NEDD4L: variants seen among roughly 807,000 people sequenced by gnomAD.
NEDD4L encodes the protein NEDD4 like E3 ubiquitin protein ligase, also known as E3 ubiquitin-protein ligase NEDD4-like.
In NEDD4L, 54 loss-of-function variants were observed where a neutral mutation model predicts 148.9. The ratio of observed to expected loss-of-function variants is 0.36; its 90% CI spans 0.29 to 0.45. The LOEUF is 0.45. Ranked by LOEUF, NEDD4L falls within the 20% of genes least tolerant of loss-of-function variation. NEDD4L has a pLI of 1.00. For synonymous variants in NEDD4L, 433 were observed against 440.7 expected, an observed-to-expected ratio of 0.98 and a Z score of 0.22; for missense variants, 856 against 1,233.8, an observed-to-expected ratio of 0.69 and a Z score of 4.59.
At chr18:58,137,801 T>G (rs745395152) in intron 1 of NEDD4L, among the ~76,000 whole-genome samples, 1 of 152,224 alleles carries the variant, frequency 6.6e-6, no homozygotes, top group Non-Finnish European at 1.5e-5. Context: ...CCTCTGATAC[T>G]CTGTAAACAC....
intron 2 of NEDD4L, among the ~76,000 whole-genome samples, chr18:58,230,738 T>C (rs2045072351): frequency 1.3e-5 from 2 of 152,204 alleles, no homozygotes; most frequent in Non-Finnish European, 2.9e-5. Flanking sequence ...ATACCACATT[T>C]TGGCAACTCA....
chr18:58,065,481 C>T (rs544007907), intron 1 of NEDD4L, among the ~76,000 whole-genome samples: 1 of 152,180 alleles, frequency 6.6e-6, no homozygotes, highest in African/African-American at 2.4e-5. Context: ...TTAAAAATTT[C>T]TTTTTCCATT....
chr18:58,174,744 T>C (rs1019508623), intron 2 of NEDD4L, among the ~76,000 whole-genome samples: 3 of 152,256 alleles, frequency 2.0e-5, no homozygotes, highest in African/African-American at 7.2e-5. Flanking sequence ...CCTGGGTAAA[T>C]GTGGGGGCAG....
chr18:58,056,894 C>CTTTT (rs74183230), intron 1 of NEDD4L, among the ~76,000 whole-genome samples: 6,217 of 121,422 alleles, frequency 0.051, 432 homozygotes, highest in African/African-American at 0.15. Context: ...GCTATGCCCT[C>CTTTT]TTTTTTTTTT....
At chr18:58,159,786 C>G (rs1250948487) in intron 1 of NEDD4L, among the ~76,000 whole-genome samples, 1 of 152,174 alleles carries the variant, frequency 6.6e-6, no homozygotes, top group African/African-American at 2.4e-5. Context: ...AGTGTTTACC[C>G]TAAGCCTGCA....
At position 58,366,285 on chromosome 18, in the gene NEDD4L, A is replaced by G; in HGVS notation, c.2063+57A>G. On this transcript the variant is annotated intron_variant, in intron 21 of 30. Transcript: ENST00000400345. The surrounding 1 kb of genome is among the most constrained non-coding windows in gnomAD (Gnocchi z 4.2). ...CCCACTGAGACAGTTGTATGAATTT[A>G]AACAGAATGAAAGGATAAGCAGCTC... 8.0e-7 allele frequency: 1 copy of G among 1,245,748 alleles called. No homozygotes were observed. Among genetic ancestry groups the G allele is most frequent in the African/African-American group, 1.5e-5 (1 of 66,394 alleles). 77.2% of individuals were successfully genotyped at this position (1,245,748 alleles called of 1,614,324 possible).
At chr18:58,107,099 C>T (rs1473659731) in intron 1 of NEDD4L, among the ~76,000 whole-genome samples, 1 of 152,144 alleles carries the variant, frequency 6.6e-6, no homozygotes, top group African/African-American at 2.4e-5. Context: ...TTCACATGGT[C>T]CTCCTTCTGT....
chr18:58,288,975 A>G (rs1201719584), intron 5 of NEDD4L, among the ~76,000 whole-genome samples: 1 of 152,234 alleles, frequency 6.6e-6, no homozygotes, highest in African/African-American at 2.4e-5. Context: ...GCCTGAGTTT[A>G]AATGTAGTTA....
At chr18:58,069,220 T>G (rs1374793576) in intron 1 of NEDD4L, among the ~76,000 whole-genome samples, 1 of 152,096 alleles carries the variant, frequency 6.6e-6, no homozygotes, top group Non-Finnish European at 1.5e-5. Context: ...CTTGAATAGT[T>G]TATCAGAAGG....
intron 1 of NEDD4L, among the ~76,000 whole-genome samples, chr18:58,081,946 G>C (rs1034369988): frequency 2.6e-5 from 4 of 151,506 alleles, no homozygotes; most frequent in African/African-American, 9.7e-5. Context: ...GTGTGTGATA[G>C]GGCTATTTAT....
In NEDD4L at chr18:58,256,469, C is replaced by T; in HGVS notation, c.297+4415C>T. 1 of 1,232,262 alleles carries T rather than the reference C, an allele frequency of 8.1e-7. No individual in the cohort carries two copies. Among genetic ancestry groups the T allele is most frequent in the East Asian group, 3.2e-5 (1 of 31,692 alleles). The allele number at this position is 1,232,262 out of a possible 1,614,324, so 76.3% of individuals were successfully genotyped here. ...GGGGGACAGGTTGGTGAGGTATCCT[C>T]GCATTCGGCTGGAGAGGAGCACCTC... On this transcript the variant is annotated intron_variant, in intron 5 of 30. Transcript: ENST00000400345. This position sits in a 1 kb window ranked among gnomAD's most constrained non-coding sequence, Gnocchi z 5.2.
intron 1 of NEDD4L, among the ~76,000 whole-genome samples, chr18:58,149,097 G>C (rs4149597): frequency 6.6e-6 from 1 of 152,150 alleles, no homozygotes; most frequent in Admixed American, 6.5e-5. Context: ...AAGCTTTTGC[G>C]TGGGGAAAAC....
chr18:58,155,471 G>T (rs139436362), intron 1 of NEDD4L, among the ~76,000 whole-genome samples: 1 of 152,148 alleles, frequency 6.6e-6, no homozygotes, highest in Non-Finnish European at 1.5e-5. Context: ...AAGCTAAGGC[G>T]TTTTTTAGTC....
chr18:58,055,907 T>G (rs1264478691), intron 1 of NEDD4L, among the ~76,000 whole-genome samples: 2 of 152,164 alleles, frequency 1.3e-5, no homozygotes, highest in African/African-American at 4.8e-5. Flanking sequence ...CATTTCTCCT[T>G]ATTATTGTTT....
chr18:58,080,067 C>T (rs1236495014), intron 1 of NEDD4L, among the ~76,000 whole-genome samples: 3 of 152,142 alleles, frequency 2.0e-5, no homozygotes, highest in Non-Finnish European at 2.9e-5. Context: ...GAGTAGTTGC[C>T]ATGCGTAACA....
At chr18:58,203,945 T>C (rs2041710670) in intron 2 of NEDD4L, among the ~76,000 whole-genome samples, 2 of 152,206 alleles carry the variant, frequency 1.3e-5, no homozygotes, top group South Asian at 4.1e-4. Context: ...TCAATCCAAC[T>C]GCTGTGAAAA....
At chr18:58,061,042 G>C (rs1268235323) in intron 1 of NEDD4L, among the ~76,000 whole-genome samples, 1 of 152,120 alleles carries the variant, frequency 6.6e-6, no homozygotes. Flanking sequence ...TTACAGGCGT[G>C]AGCCACTGTG....
At chr18:58,342,581 T>G (rs2042573871) in intron 15 of NEDD4L, among the ~76,000 whole-genome samples, 1 of 152,232 alleles carries the variant, frequency 6.6e-6, no homozygotes, top group Non-Finnish European at 1.5e-5. Flanking sequence ...CATTAGACTG[T>G]GAGCTCATTA....
At chr18:58,062,661 C>T (rs1326894546) in intron 1 of NEDD4L, among the ~76,000 whole-genome samples, 1 of 152,076 alleles carries the variant, frequency 6.6e-6, no homozygotes, top group Non-Finnish European at 1.5e-5. Context: ...ATGTGTGGAG[C>T]ATGAAAGTAC....
Sources: allele counts gnomAD v4.1 joint callset (sites outside exome capture counted in the v4.1 genomes callset), GRCh38; gene constraint gnomAD v4.1.1; non-coding constraint Gnocchi (gnomAD v3.1); transcripts MANE v1.5; gene names NCBI Gene and HGNC (gene_info 2026-07-23, HGNC 2026-07-21).